AP2A2: variants seen among roughly 807,000 people sequenced by gnomAD.
AP2A2 encodes AP-2 complex subunit alpha-2.
AP2A2 carries 32 observed loss-of-function variants against 104.2 expected under a neutral mutation model. The ratio of observed to expected loss-of-function variants is 0.31; its 90% confidence interval spans 0.23 to 0.41. AP2A2 has a LOEUF of 0.41. Ranked by LOEUF, AP2A2 falls within the 10% of genes least tolerant of loss-of-function variation. AP2A2 has a pLI of 1.00. For missense variants in AP2A2, 912 were observed against 1,261.0 expected, an observed-to-expected ratio of 0.72 and a Z score of 4.19; for synonymous variants, 539 against 533.3, an observed-to-expected ratio of 1.01 and a Z score of -0.15.
rs759978873 is a variant in AP2A2 at position 972,239 on chromosome 11, A to G, written c.457A>G (p.Lys153Glu). The change falls in exon 4 of 22, where the codon AAG (lysine) becomes GAG (glutamate). Residue 153 changes from lysine to glutamate, a missense_variant. Lys to Glu is a moderately conservative substitution (Grantham distance 56). Around this residue, in one of 7 missense-constraint regions of AP2A2, gnomAD observed 350 missense variants for 487.0 expected, o/e 0.72. Coordinates refer to ENST00000448903, the MANE Select transcript of AP2A2 (RefSeq NM_012305.4). Reference sequence around the variant, plus strand: ...CGAGGCCTTCGCCGGGGAGATCCCTAAGGTCCTCGTAGCCGGGTATGTGCC... The same window carrying G: ...CGAGGCCTTCGCCGGGGAGATCCCTGAGGTCCTCGTAGCCGGGTATGTGCC... Reference protein sequence around the residue: ...MAEAFAGEIPKVLVAGDTMDS... With the variant: ...MAEAFAGEIPEVLVAGDTMDS... The G allele has an allele frequency of 1.2e-6, 2 of 1,602,618 alleles. No individual in the cohort carries two copies. Among genetic ancestry groups the G allele is most frequent in the East Asian group, 2.2e-5 (1 of 44,716 alleles).
Position 993,675 on chromosome 11 carries a change from G to A in AP2A2, c.1551-79G>A, listed in dbSNP as rs1032512643. The A allele has an allele frequency of 9.5e-5, 111 of 1,165,874 alleles. No individual in the cohort carries two copies. The highest frequency in any genetic ancestry group is 2.0e-4 in the Middle Eastern group (1 of 5,024). 72.2% of individuals were successfully genotyped at this position (1,165,874 alleles called of 1,614,324 possible). ...CTGGTGCAGGCCAGGGGGTCTCGCCGCCGTCCCCCCCCCGCGGGGGCGTGC... is the reference window on the plus strand; with the variant it reads ...CTGGTGCAGGCCAGGGGGTCTCGCCACCGTCCCCCCCCCGCGGGGGCGTGC... On this transcript the variant is annotated intron_variant, in intron 12 of 21. Transcript: ENST00000448903. The surrounding 1 kb of genome is among the most constrained non-coding windows in gnomAD (Gnocchi z 8.2).
chr11:991,001 C>T (rs749634779), intron 10 of AP2A2, among the ~76,000 whole-genome samples: 6 of 148,412 alleles, frequency 4.0e-5, no homozygotes, highest in Non-Finnish European at 9.0e-5. Flanking sequence ...TCCTTTTAGC[C>T]GGGCATGGTG....
At chr11:957,230 C>A (rs1350728068) in intron 1 of AP2A2, among the ~76,000 whole-genome samples, 1 of 152,232 alleles carries the variant, frequency 6.6e-6, no homozygotes, top group Non-Finnish European at 1.5e-5. Flanking sequence ...CGGGCCATGG[C>A]CGCTCCATGT....
At chr11:1,004,607 C>G (rs557198744) in intron 16 of AP2A2, among the ~76,000 whole-genome samples, 1 of 151,978 alleles carries the variant, frequency 6.6e-6, no homozygotes, top group Non-Finnish European at 1.5e-5. Context: ...GAGACCCCAT[C>G]TCTACAAAAA....
At chr11:938,278 A>G (rs1022735293) in intron 1 of AP2A2, among the ~76,000 whole-genome samples, 1 of 152,100 alleles carries the variant, frequency 6.6e-6, no homozygotes, top group African/African-American at 2.4e-5. Context: ...TGAAGTCCCC[A>G]CCAAACCCCT....
At chr11:991,825 G>C (rs1233679643) in intron 10 of AP2A2, among the ~76,000 whole-genome samples, 2 of 152,136 alleles carry the variant, frequency 1.3e-5, no homozygotes, top group African/African-American at 2.4e-5. Context: ...GCGCGGTCTT[G>C]ATGCCTGCTG....
intron 1 of AP2A2, among the ~76,000 whole-genome samples, chr11:946,294 T>C (rs10794352): frequency 0.51 from 77,162 of 151,974 alleles, 20,208 homozygotes; most frequent in Middle Eastern, 0.66. Context: ...GCCTAGCAGC[T>C]ACTGGAGGGG....
intron 2 of AP2A2, among the ~76,000 whole-genome samples, chr11:960,660 G>A (rs1007849497): frequency 9.9e-5 from 15 of 152,180 alleles, no homozygotes; most frequent in African/African-American, 3.6e-4. Context: ...TTACAGGCGT[G>A]AGCCACTGTG....
intron 2 of AP2A2, among the ~76,000 whole-genome samples, chr11:969,220 C>CTTTTTTTTTTTTTTTTTTTTTT (rs1190722379): frequency 2.1e-5 from 1 of 48,040 alleles, no homozygotes. Context: ...TAGAACAGCC[C>CTTTTTTTTTTTTTTTTTTTTTT]TTTTTTTTTT....
rs751512376 is a variant in AP2A2 at position 993,406 on chromosome 11, G to A, written c.1550+25G>A. On this transcript the variant is annotated intron_variant, in intron 12 of 21. Transcript: ENST00000448903. The surrounding 1 kb of genome is among the most constrained non-coding windows in gnomAD (Gnocchi z 8.2). ...GGTGAGAGGCCCTTTGCGAGTCGGG[G>A]CTGTGTGCGCTCCGGCGGGCCTCTC... The A allele has an allele frequency of 1.4e-4, 224 of 1,571,168 alleles. No homozygotes were observed. The highest frequency in any genetic ancestry group is 1.7e-4 in the Non-Finnish European group (202 of 1,158,846).
chr11:949,268 T>A (rs1188143236), intron 1 of AP2A2, among the ~76,000 whole-genome samples: 1 of 151,538 alleles, frequency 6.6e-6, no homozygotes, highest in Non-Finnish European at 1.5e-5. Context: ...AGAGAGAGAC[T>A]CTGTCTCAAG....
At chr11:976,266 A>G (rs1481853968) in intron 4 of AP2A2, among the ~76,000 whole-genome samples, 1 of 152,188 alleles carries the variant, frequency 6.6e-6, no homozygotes, top group Non-Finnish European at 1.5e-5. Flanking sequence ...CAGAAGGGGA[A>G]TTTTTTATTC....
chr11:958,341 G>A (rs768247119), intron 1 of AP2A2, among the ~76,000 whole-genome samples: 1 of 152,206 alleles, frequency 6.6e-6, no homozygotes, highest in Admixed American at 6.5e-5. Context: ...CAGCCGCCCC[G>A]TCTGGGGTGT....
chr11:973,936 G>A lies in AP2A2; in HGVS notation c.473+1681G>A, dbSNP rs187282056. Reference sequence around the variant, plus strand: ...TAGTAGGTGCTTGGTGGATGTCTGCGCGTGAGCGGAATGCAAGACAGGGCC... The same window carrying A: ...TAGTAGGTGCTTGGTGGATGTCTGCACGTGAGCGGAATGCAAGACAGGGCC... On this transcript the variant is annotated intron_variant, in intron 4 of 21. Transcript: ENST00000448903. Among the ~76,000 whole-genome samples the A allele has an allele frequency of 6.2e-4, 95 of 152,322 alleles. 1 individual carries two copies. The highest frequency in any genetic ancestry group is 2.3e-3 in the African/African-American group (94 of 41,568).
rs115263744 is a variant in AP2A2, at chr11:939,793, A to G, written c.67+13705A>G. ...AAGATGAGTCTTTTAACTCTTGCTC[A>G]AGTTTCTCTTCTCCTGTACTTGTAT... is the stretch of plus-strand genomic sequence containing the variant. On this transcript the variant is annotated intron_variant, in intron 1 of 21. Coordinates refer to ENST00000448903, the MANE Select transcript of AP2A2 (RefSeq NM_012305.4). Among the ~76,000 whole-genome samples, 1,198 of 152,006 alleles carry G rather than the reference A, an allele frequency of 7.9e-3. 24 individuals carry two copies. Among genetic ancestry groups the G allele is most frequent in the African/African-American group, 0.028 (1,144 of 41,444 alleles).
intron 1 of AP2A2, among the ~76,000 whole-genome samples, chr11:933,749 C>G (rs1440508222): frequency 2.0e-5 from 3 of 152,180 alleles, no homozygotes; most frequent in African/African-American, 7.2e-5. Context: ...GGGATGACCC[C>G]AGAGACACAG....
chr11:989,096 C>T (rs965447941), intron 10 of AP2A2, among the ~76,000 whole-genome samples: 5 of 151,848 alleles, frequency 3.3e-5, no homozygotes, highest in East Asian at 1.9e-4. Flanking sequence ...CCAAGGCGGG[C>T]GGATCACCTG....
chr11:933,156 T>A (rs1853342324), intron 1 of AP2A2, among the ~76,000 whole-genome samples: 1 of 152,042 alleles, frequency 6.6e-6, no homozygotes, highest in Non-Finnish European at 1.5e-5. Flanking sequence ...TAATCCCAGG[T>A]ACTTGGGAGG....
Position 1,011,346 on chromosome 11 carries a change from TCCAGGGTAAA to T in AP2A2, c.*722_*731del. On this transcript the variant is annotated 3_prime_UTR_variant, in exon 22 of 22. Coordinates refer to ENST00000448903, the MANE Select transcript of AP2A2 (RefSeq NM_012305.4). ...GCCGGCCCCGCAGGGCCCCCAGGACTCCAGGGTAAAGTGTGGGCCGGTGGCGCAAGACTCA... is the reference window on the plus strand; with the variant it reads ...GCCGGCCCCGCAGGGCCCCCAGGACTGTGTGGGCCGGTGGCGCAAGACTCA... The T allele has an allele frequency of 1.9e-6, 1 of 518,630 alleles. No individual in the cohort carries two copies. Among genetic ancestry groups the T allele is most frequent in the Non-Finnish European group, 3.8e-6 (1 of 259,786 alleles). The allele number at this position is 518,630 out of a possible 1,614,324, so 32.1% of individuals were successfully genotyped here.
Sources: gnomAD v4.1 joint callset for allele counts (sites outside exome capture counted in the v4.1 genomes callset) on GRCh38, gnomAD v4.1.1 for gene constraint, gnomAD v4.1.1 regional missense constraint, Gnocchi (gnomAD v3.1) non-coding constraint, MANE v1.5 for transcripts, NCBI Gene and HGNC (gene_info 2026-07-23, HGNC 2026-07-21) for gene names.